The following GRIN3A variants were observed in gnomAD, a reference collection of about 807,000 sequenced individuals.
GRIN3A encodes the protein glutamate ionotropic receptor NMDA type subunit 3A.
Under a neutral mutation model 92.4 loss-of-function variants are expected in GRIN3A, and 47 were observed. That is an observed-to-expected ratio of 0.51 (90% CI 0.40 to 0.65). The LOEUF (loss-of-function observed/expected upper bound fraction) is 0.65. Ranked by LOEUF, GRIN3A falls within the 30% of genes least tolerant of loss-of-function variation. GRIN3A has a pLI of 0.00. For synonymous variants in GRIN3A, 527 were observed against 540.6 expected, an observed-to-expected ratio of 0.97 and a Z score of 0.35; for missense variants, 1,324 against 1,393.1, an observed-to-expected ratio of 0.95 and a Z score of 0.79.
At chr9:101,594,405 AG>A in intron 6 of GRIN3A, 1 of 1,585,784 alleles carries the variant, frequency 6.3e-7, no homozygotes, top group South Asian at 1.1e-5. Context: ...TGTAAGAAAA[AG>A]GCTCATACGA....
intron 3 of GRIN3A, among the ~76,000 whole-genome samples, chr9:101,646,429 T>C (rs2118909205): frequency 6.6e-6 from 1 of 152,058 alleles, no homozygotes; most frequent in East Asian, 1.9e-4. Context: ...AGCTTTGTAG[T>C]ATATTTTGAA....
intron 6 of GRIN3A, among the ~76,000 whole-genome samples, chr9:101,610,283 G>T (rs1828343994): frequency 1.3e-5 from 2 of 152,234 alleles, no homozygotes. Context: ...GTAGGAAACA[G>T]ACATGCTAGC....
At chr9:101,721,512 G>A (rs1406872835) in intron 1 of GRIN3A, among the ~76,000 whole-genome samples, 1 of 152,182 alleles carries the variant, frequency 6.6e-6, no homozygotes, top group African/African-American at 2.4e-5. Flanking sequence ...AATGGGCAGA[G>A]GCTGGAACAG....
At chr9:101,601,370 T>C (rs950062165) in intron 6 of GRIN3A, among the ~76,000 whole-genome samples, 4 of 152,160 alleles carry the variant, frequency 2.6e-5, no homozygotes, top group Admixed American at 6.5e-5. Flanking sequence ...TCTGGCATTA[T>C]GGGTAGATTG....
At position 101,571,638 on chromosome 9, in the gene GRIN3A, G is replaced by GCAAAA. The variant is rs758556457; in HGVS notation, c.*1531_*1535dup. The GCAAAA allele has an allele frequency of 2.0e-5, 3 of 152,192 alleles. No individual in the cohort carries two copies. The highest frequency in any genetic ancestry group is 4.8e-5 in the African/African-American group (2 of 41,446). The allele number at this position is 152,192 out of a possible 1,614,324, so 9.4% of individuals were successfully genotyped here. A position where few individuals can be genotyped will look rare whatever the true frequency, so the allele number is the denominator to read the frequency against. On this transcript the variant is annotated 3_prime_UTR_variant, in exon 9 of 9. Coordinates refer to ENST00000361820, the MANE Select transcript of GRIN3A (RefSeq NM_133445.3). Reference sequence around the variant, plus strand: ...AGATGTGTGCTAAAATTATTAAAAAGCAAAACAAAACAAAACAAAACTTCT... The same window carrying GCAAAA: ...AGATGTGTGCTAAAATTATTAAAAAGCAAAACAAAACAAAACAAAACAAAACTTCT...
At chr9:101,711,375 T>G (rs1186179166) in intron 1 of GRIN3A, among the ~76,000 whole-genome samples, 2 of 152,166 alleles carry the variant, frequency 1.3e-5, no homozygotes, top group African/African-American at 4.8e-5. Context: ...GGAGATTTCA[T>G]CATGATACTC....
chr9:101,697,668 C>T (rs1164415242), intron 1 of GRIN3A, among the ~76,000 whole-genome samples: 2 of 152,108 alleles, frequency 1.3e-5, no homozygotes, highest in East Asian at 3.8e-4. Flanking sequence ...TTCAACAGTC[C>T]ACCAGAAACC....
chr9:101,663,371 T>G (rs1564138582), intron 3 of GRIN3A, among the ~76,000 whole-genome samples: 4 of 151,874 alleles, frequency 2.6e-5, no homozygotes, highest in Admixed American at 2.6e-4. Context: ...GCAAGGACAG[T>G]GTCTATTTTG....
intron 1 of GRIN3A, among the ~76,000 whole-genome samples, chr9:101,730,082 T>C (rs1830120555): frequency 6.6e-6 from 1 of 152,132 alleles, no homozygotes; most frequent in South Asian, 2.1e-4. Flanking sequence ...AACCTTGATG[T>C]AACTGCTGCA....
At chr9:101,615,652 G>A (rs1269249054) in intron 5 of GRIN3A, among the ~76,000 whole-genome samples, 1 of 152,136 alleles carries the variant, frequency 6.6e-6, no homozygotes, top group African/African-American at 2.4e-5. Flanking sequence ...ACTGCGCCCG[G>A]CCTATTTATT....
At chr9:101,611,326 G>A (rs1018091471) in intron 6 of GRIN3A, among the ~76,000 whole-genome samples, 1 of 151,962 alleles carries the variant, frequency 6.6e-6, no homozygotes, top group South Asian at 2.1e-4. Flanking sequence ...TTGTTGTCAC[G>A]TGGACTTTTT....
chr9:101,673,990 G>C (rs1437431271), intron 2 of GRIN3A, among the ~76,000 whole-genome samples: 1 of 152,078 alleles, frequency 6.6e-6, no homozygotes, highest in African/African-American at 2.4e-5. Context: ...GTTTCGTAGA[G>C]GAGGAAGTGC....
chr9:101,720,469 C>T (rs958633717), intron 1 of GRIN3A, among the ~76,000 whole-genome samples: 1 of 152,120 alleles, frequency 6.6e-6, no homozygotes, highest in South Asian at 2.1e-4. Flanking sequence ...TGGTTCTCCT[C>T]CCGACTCCAT....
intron 3 of GRIN3A, among the ~76,000 whole-genome samples, chr9:101,634,295 T>C (rs960308630): frequency 7.6e-6 from 1 of 131,596 alleles, no homozygotes; most frequent in Non-Finnish European, 1.5e-5. Context: ...ATCGCGCCAC[T>C]GCACTCCAGC....
intron 6 of GRIN3A, among the ~76,000 whole-genome samples, chr9:101,610,574 CATCTATCT>C (rs145593614): frequency 0.011 from 1,600 of 139,436 alleles, 17 homozygotes; most frequent in South Asian, 0.024. Context: ...AGCTTGCATC[CATCTATCT>C]ATCTATCTAT....
intron 2 of GRIN3A, among the ~76,000 whole-genome samples, chr9:101,684,430 A>G (rs943321483): frequency 6.6e-6 from 1 of 151,904 alleles, no homozygotes; most frequent in Admixed American, 6.6e-5. Context: ...ATTTCAATAA[A>G]TACCTATTAA....
chr9:101,719,450 G>A (rs1829985528), intron 1 of GRIN3A, among the ~76,000 whole-genome samples: 1 of 151,734 alleles, frequency 6.6e-6, no homozygotes, highest in Non-Finnish European at 1.5e-5. Context: ...TAAAGGATGG[G>A]TTAGGAGGCC....
At chr9:101,692,249 AC>A (rs1235269727) in intron 1 of GRIN3A, among the ~76,000 whole-genome samples, 3 of 152,136 alleles carry the variant, frequency 2.0e-5, no homozygotes, top group Admixed American at 1.3e-4. Flanking sequence ...TTTGGGAGAT[AC>A]TATGTTTACA....
At position 101,737,262 on chromosome 9, in the gene GRIN3A, C is replaced by T. The variant is rs886981519; in HGVS notation, c.699+19G>A. The stretch of plus-strand genomic sequence containing the variant: ...CCCAGCAGCGCCCATCTCCACTCCA[C>T]GCACCAGGCTCCTCTCACCTGACTC... On this transcript the variant is annotated intron_variant, in intron 1 of 8. Coordinates refer to ENST00000361820, the MANE Select transcript of GRIN3A (RefSeq NM_133445.3). 7 of 1,608,304 alleles carry T rather than the reference C, an allele frequency of 4.4e-6. No homozygotes were observed. Among genetic ancestry groups the T allele is most frequent in the Non-Finnish European group, 3.4e-6 (4 of 1,174,630 alleles).
Sources: gnomAD v4.1 joint callset for allele counts (sites outside exome capture counted in the v4.1 genomes callset) on GRCh38, gnomAD v4.1.1 for gene constraint, MANE v1.5 for transcripts, NCBI Gene and HGNC (gene_info 2026-07-23, HGNC 2026-07-21) for gene names.